Variants in SWAP70 observed in about 807,000 individuals in gnomAD.
SWAP70 encodes switching B cell complex subunit SWAP70, also known as switch-associated protein 70.
SWAP70 carries 34 observed loss-of-function variants against 80.2 expected under a neutral mutation model. The ratio of observed to expected loss-of-function variants is 0.42; its 90% CI spans 0.32 to 0.56. SWAP70 has a LOEUF of 0.56. Ranked by LOEUF, SWAP70 falls within the 20% of genes least tolerant of loss-of-function variation. SWAP70 has a pLI of 0.09. For missense variants in SWAP70, 578 were observed against 690.7 expected, an observed-to-expected ratio of 0.84 and a Z score of 1.83; for synonymous variants, 239 against 238.5, an observed-to-expected ratio of 1.00 and a Z score of -0.02.
chr11:9,696,228 A>G (rs1850755358), intron 2 of SWAP70, among the ~76,000 whole-genome samples: 1 of 152,170 alleles, frequency 6.6e-6, no homozygotes, highest in South Asian at 2.1e-4. Context: ...GTTTGGGGCC[A>G]TGTTCGGTTT....
chr11:9,723,031 G>A (rs1042043295), intron 3 of SWAP70, among the ~76,000 whole-genome samples: 1 of 152,172 alleles, frequency 6.6e-6, no homozygotes, highest in African/African-American at 2.4e-5. Context: ...TAGGCTGGGG[G>A]ATGATCACCA....
chr11:9,666,888 C>A (rs570879959), intron 1 of SWAP70, among the ~76,000 whole-genome samples: 10 of 151,980 alleles, frequency 6.6e-5, no homozygotes, highest in African/African-American at 2.4e-4. Context: ...CCAAGCCTGG[C>A]TAATTTTTGT....
intron 1 of SWAP70, among the ~76,000 whole-genome samples, chr11:9,671,628 A>ATATATTTC (rs1850398777): frequency 1.0e-4 from 10 of 96,958 alleles, no homozygotes; most frequent in Admixed American, 1.5e-4. Flanking sequence ...TTCTATATAA[A>ATATATTTC]TATATAAATA....
chr11:9,667,091 C>T (rs1850316499), intron 1 of SWAP70, among the ~76,000 whole-genome samples: 1 of 152,050 alleles, frequency 6.6e-6, no homozygotes, highest in Admixed American at 6.6e-5. Flanking sequence ...TCTCGAACTC[C>T]TGAGCTCAGG....
In SWAP70 at chr11:9,748,029, A is replaced by T. The variant is rs1227618854; in HGVS notation, c.1527A>T (p.Glu509Asp). The change falls in exon 10 of 12, where the codon GAA (glutamate) becomes GAT (aspartate). Residue 509 changes from glutamate (E) to aspartate (D), a missense_variant. Transcript: ENST00000318950. Reference protein sequence around the residue: ...AMEQLEQLELERKQALEQYEE... With the variant: ...AMEQLEQLELDRKQALEQYEE... ...AGCAGCTGGAGCAGCTTGAGTTAGA[A>T]CGGAAGCAAGCACTTGAGCAGTACG... The T allele has an allele frequency of 3.1e-6, 5 of 1,614,140 alleles. No homozygotes were observed. Among genetic ancestry groups the T allele is most frequent in the Non-Finnish European group, 4.2e-6 (5 of 1,179,984 alleles).
At chr11:9,672,320 T>C (rs1031475786) in intron 1 of SWAP70, among the ~76,000 whole-genome samples, 4 of 147,484 alleles carry the variant, frequency 2.7e-5, no homozygotes, top group Non-Finnish European at 6.0e-5. Flanking sequence ...GCTTGGAATA[T>C]TGACATCATC....
chr11:9,671,607 T>TAG (rs1554982517), intron 1 of SWAP70, among the ~76,000 whole-genome samples: 1 of 31,120 alleles, frequency 3.2e-5, no homozygotes, highest in Non-Finnish European at 7.5e-5. Context: ...TATATTTATA[T>TAG]AGAAATATAT....
At chr11:9,728,884 A>G (rs943636121) in intron 5 of SWAP70, among the ~76,000 whole-genome samples, 1 of 152,212 alleles carries the variant, frequency 6.6e-6, no homozygotes, top group Non-Finnish European at 1.5e-5. Context: ...ACCAAAGGCC[A>G]GTTTACTCAT....
intron 10 of SWAP70, among the ~76,000 whole-genome samples, chr11:9,748,556 AG>A (rs1851541840): frequency 6.6e-6 from 1 of 152,232 alleles, no homozygotes; most frequent in Non-Finnish European, 1.5e-5. Context: ...GCCCACAGGG[AG>A]GTGCTACAGA....
intron 6 of SWAP70, among the ~76,000 whole-genome samples, chr11:9,731,129 C>A (rs995045020): frequency 6.6e-6 from 1 of 151,884 alleles, no homozygotes; most frequent in African/African-American, 2.4e-5. Flanking sequence ...TTTATGGCTC[C>A]GTAGTGAATG....
At chr11:9,682,394 C>G (rs1210526213) in intron 1 of SWAP70, among the ~76,000 whole-genome samples, 1 of 152,114 alleles carries the variant, frequency 6.6e-6, no homozygotes, top group African/African-American at 2.4e-5. Flanking sequence ...GGTGGCAAAC[C>G]TATTTTGGGG....
chr11:9,671,165 T>A (rs1264983374), intron 1 of SWAP70, among the ~76,000 whole-genome samples: 16 of 123,792 alleles, frequency 1.3e-4, no homozygotes, highest in African/African-American at 4.4e-4. Context: ...ATAAAATATA[T>A]TTATAAATAT....
chr11:9,695,665 G>A (rs1395356021), intron 2 of SWAP70, among the ~76,000 whole-genome samples: 1 of 151,932 alleles, frequency 6.6e-6, no homozygotes, highest in East Asian at 1.9e-4. Context: ...AGGTCAATAG[G>A]TGCAGCAAAC....
intron 2 of SWAP70, among the ~76,000 whole-genome samples, chr11:9,697,292 T>TC (rs2134451352): frequency 1.3e-5 from 2 of 151,410 alleles, no homozygotes; most frequent in South Asian, 2.1e-4. Context: ...TTTTTGAGAT[T>TC]CTTTTTTTTT....
rs552704939 is a variant in SWAP70, at chr11:9,684,912, C to T, written c.100-9234C>T. Among the ~76,000 whole-genome samples, 31 of 152,290 alleles carry T rather than the reference C, an allele frequency of 2.0e-4. 1 individual carries two copies. Among genetic ancestry groups the T allele is most frequent in the South Asian group, 6.2e-4 (3 of 4,822 alleles). On this transcript the variant is annotated intron_variant, in intron 1 of 11. Coordinates refer to ENST00000318950, the MANE Select transcript of SWAP70 (RefSeq NM_015055.4). ...TTGGTATTCACAGATGGCTAAAATA[C>T]GTATTGCACAGATGGCTAAAATACA...
intron 7 of SWAP70, among the ~76,000 whole-genome samples, chr11:9,734,074 C>T (rs577053335): frequency 6.6e-6 from 1 of 152,252 alleles, no homozygotes; most frequent in South Asian, 2.1e-4. Context: ...GATCCTCTTG[C>T]CTTAGCCTCC....
At chr11:9,743,964 ATT>A (rs71034739) in intron 9 of SWAP70, among the ~76,000 whole-genome samples, 5 of 146,630 alleles carry the variant, frequency 3.4e-5, no homozygotes, top group Non-Finnish European at 4.5e-5. Flanking sequence ...AGATCTTGTA[ATT>A]TTTTTTTTTT....
At chr11:9,742,192 C>T (rs1304228771) in intron 9 of SWAP70, among the ~76,000 whole-genome samples, 1 of 152,102 alleles carries the variant, frequency 6.6e-6, no homozygotes, top group East Asian at 1.9e-4. Context: ...CTACATACAG[C>T]TCTGATCCAA....
At chr11:9,692,101 G>A (rs1850704009) in intron 1 of SWAP70, among the ~76,000 whole-genome samples, 1 of 151,900 alleles carries the variant, frequency 6.6e-6, no homozygotes, top group African/African-American at 2.4e-5. Flanking sequence ...GTACATTGCT[G>A]TGGAATATGT....
Sources: allele counts gnomAD v4.1 joint callset (sites outside exome capture counted in the v4.1 genomes callset), GRCh38; gene constraint gnomAD v4.1.1; transcripts MANE v1.5; gene names NCBI Gene and HGNC (gene_info 2026-07-23, HGNC 2026-07-21).